DGKB: variants seen among roughly 807,000 people sequenced by gnomAD.
DGKB encodes the protein diacylglycerol kinase beta, also known as 90 kDa diacylglycerol kinase.
Under a neutral mutation model 114.3 loss-of-function variants are expected in DGKB, and 67 were observed. The observed-to-expected ratio is 0.59, with a 90% CI of 0.48 to 0.72. The LOEUF is 0.72. DGKB is among the 30% of genes least tolerant of loss of function. The probability of loss-of-function intolerance (pLI) is 0.00; values close to 1 mark genes in which losing one functional copy is unlikely to be tolerated. For synonymous variants in DGKB, 398 were observed against 323.1 expected, an observed-to-expected ratio of 1.23 and a Z score of -2.49; for missense variants, 907 against 975.2, an observed-to-expected ratio of 0.93 and a Z score of 0.93.
chr7:14,259,114 T>C (rs1442465911), intron 23 of DGKB, among the ~76,000 whole-genome samples: 1 of 152,150 alleles, frequency 6.6e-6, no homozygotes, highest in Non-Finnish European at 1.5e-5. Flanking sequence ...TCTCCTAGTA[T>C]AGAGAACAGA....
At chr7:14,426,931 G>A (rs2128777812) in intron 21 of DGKB, among the ~76,000 whole-genome samples, 1 of 151,874 alleles carries the variant, frequency 6.6e-6, no homozygotes, top group Non-Finnish European at 1.5e-5. Flanking sequence ...ACGGTGGAGT[G>A]TGCCTGTAAT....
At chr7:14,648,695 C>A (rs1482620647) in intron 13 of DGKB, among the ~76,000 whole-genome samples, 1 of 151,320 alleles carries the variant, frequency 6.6e-6, no homozygotes, top group African/African-American at 2.4e-5. Flanking sequence ...TCAAATTACT[C>A]TGAGCTACGG....
intron 21 of DGKB, among the ~76,000 whole-genome samples, chr7:14,450,663 T>G (rs2128837540): frequency 6.6e-6 from 1 of 152,182 alleles, no homozygotes; most frequent in South Asian, 2.1e-4. Flanking sequence ...TGGGAGATCC[T>G]TCTGTGACTG....
chr7:14,174,503 C>T (rs1441731957), intron 25 of DGKB, among the ~76,000 whole-genome samples: 3 of 151,962 alleles, frequency 2.0e-5, no homozygotes, highest in Non-Finnish European at 2.9e-5. Flanking sequence ...GAGAAGAGTC[C>T]AAAATAATAC....
intron 23 of DGKB, among the ~76,000 whole-genome samples, chr7:14,278,545 T>G (rs1192252589): frequency 6.6e-6 from 1 of 152,070 alleles, no homozygotes; most frequent in Non-Finnish European, 1.5e-5. Flanking sequence ...ACTACTAGAA[T>G]AAAACATGGG....
At chr7:14,856,384 T>C (rs1263177280) in intron 1 of DGKB, among the ~76,000 whole-genome samples, 1 of 152,160 alleles carries the variant, frequency 6.6e-6, no homozygotes, top group East Asian at 1.9e-4. Flanking sequence ...TATATTTTAT[T>C]CCACATTCAC....
intron 19 of DGKB, among the ~76,000 whole-genome samples, chr7:14,578,137 C>T (rs1306322914): frequency 5.9e-5 from 9 of 152,082 alleles, no homozygotes; most frequent in Non-Finnish European, 1.0e-4. Context: ...GGACTATTTC[C>T]CCTTTGCTCA....
chr7:14,486,631 G>A (rs1268985050), intron 20 of DGKB, among the ~76,000 whole-genome samples: 1 of 152,168 alleles, frequency 6.6e-6, no homozygotes, highest in Non-Finnish European at 1.5e-5. Flanking sequence ...GAACTTTGCT[G>A]TCTTCTATAC....
At chr7:14,750,088 C>CA (rs1564096349) in intron 4 of DGKB, 2 of 514,786 alleles carry the variant, frequency 3.9e-6, no homozygotes, top group African/African-American at 3.9e-5. Context: ...TTAGTCATCA[C>CA]AAAACCTATG....
chr7:14,373,468 C>A (rs1389361283), intron 21 of DGKB, among the ~76,000 whole-genome samples: 1 of 152,082 alleles, frequency 6.6e-6, no homozygotes, highest in Non-Finnish European at 1.5e-5. Flanking sequence ...TACATTTATT[C>A]CGTACAGTGA....
chr7:14,331,939 A>G (rs954614489), intron 23 of DGKB, among the ~76,000 whole-genome samples: 6 of 152,194 alleles, frequency 3.9e-5, no homozygotes, highest in African/African-American at 1.4e-4. Context: ...GAGAGATCAA[A>G]TAGGGTGAGA....
chr7:14,535,284 G>A (rs1412820193), intron 20 of DGKB, among the ~76,000 whole-genome samples: 1 of 151,700 alleles, frequency 6.6e-6, no homozygotes, highest in Non-Finnish European at 1.5e-5. Context: ...CAGCAGGATT[G>A]CTTGAGCCTA....
chr7:14,567,591 A>C (rs1160628721), intron 20 of DGKB, among the ~76,000 whole-genome samples: 1 of 99,972 alleles, frequency 1.0e-5, no homozygotes, highest in East Asian at 2.8e-4. Flanking sequence ...AATTATAAAT[A>C]AAGATATATA....
At chr7:14,843,782 C>G (rs1165631900) in intron 1 of DGKB, among the ~76,000 whole-genome samples, 1 of 152,138 alleles carries the variant, frequency 6.6e-6, no homozygotes, top group Non-Finnish European at 1.5e-5. Context: ...GCTTTCTAGG[C>G]AATGAAGCTA....
At chr7:14,192,434 A>AC (rs1336752975) in intron 23 of DGKB, among the ~76,000 whole-genome samples, 1 of 152,208 alleles carries the variant, frequency 6.6e-6, no homozygotes, top group Non-Finnish European at 1.5e-5. Context: ...ATAAAACTGT[A>AC]AAACTTTGAT....
intron 1 of DGKB, among the ~76,000 whole-genome samples, chr7:14,872,549 A>C (rs10270993): frequency 0.071 from 10,734 of 152,198 alleles, 595 homozygotes; most frequent in East Asian, 0.29. Context: ...ATACTGGATA[A>C]ATTTTGGTTA....
intron 21 of DGKB, among the ~76,000 whole-genome samples, chr7:14,440,672 A>G (rs1216315327): frequency 6.6e-6 from 1 of 152,186 alleles, no homozygotes; most frequent in Non-Finnish European, 1.5e-5. Flanking sequence ...GGTGGCTCCA[A>G]TAAATTTTAT....
intron 23 of DGKB, among the ~76,000 whole-genome samples, chr7:14,226,274 C>A (rs1276641130): frequency 2.0e-5 from 3 of 151,588 alleles, no homozygotes; most frequent in African/African-American, 4.8e-5. Context: ...TTTCTTGATT[C>A]TTAGATTTAA....
chr7:14,786,837 G>A (rs750404549), intron 2 of DGKB, among the ~76,000 whole-genome samples: 4 of 152,212 alleles, frequency 2.6e-5, no homozygotes, highest in Non-Finnish European at 4.4e-5. Context: ...GCATAGGCCC[G>A]CAGGTGCCCC....
Sources: allele counts gnomAD v4.1 joint callset (sites outside exome capture counted in the v4.1 genomes callset), GRCh38; gene constraint gnomAD v4.1.1; transcripts MANE v1.5; gene names NCBI Gene and HGNC (gene_info 2026-07-23, HGNC 2026-07-21).